FRMD4A: variants seen among roughly 807,000 people sequenced by gnomAD.
FRMD4A encodes the protein FERM domain-containing protein 4A.
Under a neutral mutation model 129.1 loss-of-function variants are expected in FRMD4A, and 29 were observed. The ratio of observed to expected loss-of-function variants is 0.22; its 90% CI spans 0.17 to 0.31. The LOEUF (loss-of-function observed/expected upper bound fraction) is 0.31, where lower values mean the gene tolerates loss of function less well. Ranked by LOEUF, FRMD4A falls within the 10% of genes least tolerant of loss-of-function variation. The pLI is 1.00. For missense variants in FRMD4A, 1,272 were observed against 1,375.8 expected (o/e 0.92, Z 1.19); for synonymous variants, 634 against 571.6 (o/e 1.11, Z -1.56).
chr10:13,850,772 A>G lies in FRMD4A; in HGVS notation c.111+8075T>C, dbSNP rs550501149. On this transcript the variant is annotated intron_variant, in intron 3 of 24. Transcript: ENST00000357447. ...CAGTGAAAAGAGAATGGGCTATACT[A>G]TCAGAGGACCTATGCTCGAGCTACC... Among the ~76,000 whole-genome samples, 142 of 152,320 alleles carry G rather than the reference A, an allele frequency of 9.3e-4. 1 individual carries two copies. The highest frequency in any genetic ancestry group is 1.7e-3 in the Non-Finnish European group (114 of 68,026).
At chr10:13,883,292 C>G (rs1049324276) in intron 2 of FRMD4A, among the ~76,000 whole-genome samples, 1 of 151,870 alleles carries the variant, frequency 6.6e-6, no homozygotes, top group Non-Finnish European at 1.5e-5. Context: ...GAGTTCAAGA[C>G]CAGCCTGGCC....
intron 3 of FRMD4A, among the ~76,000 whole-genome samples, chr10:13,843,528 C>T (rs577384079): frequency 3.3e-5 from 5 of 152,250 alleles, no homozygotes; most frequent in Admixed American, 2.0e-4. Flanking sequence ...GATATAGTCT[C>T]GCTCTGTCAC....
Position 13,954,504 on chromosome 10 carries a change from A to G in FRMD4A, c.46-95592T>C, listed in dbSNP as rs1262792088. On this transcript the variant is annotated intron_variant, in intron 2 of 24. Coordinates refer to ENST00000357447, the MANE Select transcript of FRMD4A (RefSeq NM_018027.5). ...AATAACCTCCCACCGGGTCTCTCTC[A>G]TGACACATGGGAATTGTGGGAGCTA... 2.0e-5 allele frequency among the ~76,000 whole-genome samples: 3 copies of G among 152,186 alleles called. No individual in the cohort carries two copies. The East Asian group carries it at 5.8e-4, about 29-fold the overall frequency.
At chr10:14,080,696 C>A (rs530411622) in intron 2 of FRMD4A, among the ~76,000 whole-genome samples, 1 of 151,832 alleles carries the variant, frequency 6.6e-6, no homozygotes, top group East Asian at 1.9e-4. Context: ...CTGAAGACTG[C>A]GAGGGAGGAT....
chr10:13,988,645 C>G (rs2095591185), intron 2 of FRMD4A, among the ~76,000 whole-genome samples: 1 of 151,938 alleles, frequency 6.6e-6, no homozygotes, highest in African/African-American at 2.4e-5. Context: ...TGGATAGATA[C>G]CGATGGATAG....
At chr10:14,185,467 A>C (rs930917017) in intron 2 of FRMD4A, among the ~76,000 whole-genome samples, 3 of 152,256 alleles carry the variant, frequency 2.0e-5, no homozygotes, top group Admixed American at 6.5e-5. Context: ...TTAGTACAAA[A>C]AACATTACAA....
At chr10:14,256,741 G>A (rs1589234414) in intron 2 of FRMD4A, among the ~76,000 whole-genome samples, 1 of 152,250 alleles carries the variant, frequency 6.6e-6, no homozygotes, top group East Asian at 1.9e-4. Context: ...CCAACACTTT[G>A]TGTGGCCAAG....
chr10:13,646,365 T>C lies in FRMD4A; in HGVS notation c.*673A>G, dbSNP rs2081116016. The C allele has an allele frequency of 6.6e-6, 1 of 152,614 alleles. No individual in the cohort carries two copies. 9.5% of individuals were successfully genotyped at this position (152,614 alleles called of 1,614,324 possible). On this transcript the variant is annotated 3_prime_UTR_variant, in exon 25 of 25. Coordinates refer to ENST00000357447, the MANE Select transcript of FRMD4A (RefSeq NM_018027.5). Reference sequence around the variant, plus strand: ...TTTGGCAGCATAGAACTGATTGTGGTCCTCCGATGCATTTCTGGTGTCGAG... The same window carrying C: ...TTTGGCAGCATAGAACTGATTGTGGCCCTCCGATGCATTTCTGGTGTCGAG...
At chr10:13,823,541 A>G (rs1433286823) in intron 3 of FRMD4A, among the ~76,000 whole-genome samples, 1 of 152,212 alleles carries the variant, frequency 6.6e-6, no homozygotes, top group Non-Finnish European at 1.5e-5. Flanking sequence ...ACATCTTGGG[A>G]TTCCAAGCTC....
intron 2 of FRMD4A, among the ~76,000 whole-genome samples, chr10:14,311,408 A>C (rs888790381): frequency 6.6e-6 from 1 of 152,218 alleles, no homozygotes; most frequent in Non-Finnish European, 1.5e-5. Context: ...TGAGTGTGAG[A>C]TCCCAGAACA....
chr10:13,658,132 TAAAAAA>T lies in FRMD4A; in HGVS notation c.2067-616_2067-611del, dbSNP rs565374030. On this transcript the variant is annotated intron_variant, in intron 21 of 24. Coordinates refer to ENST00000357447, the MANE Select transcript of FRMD4A (RefSeq NM_018027.5). ...CAACAGGGCAAGACCCTGTCTCTCT[TAAAAAA>T]AAAAAAAAAAAAAAAAAAAGAAAAC... is the stretch of plus-strand genomic sequence containing the variant. Among the ~76,000 whole-genome samples, 91 of 81,268 alleles carry T rather than the reference TAAAAAA, an allele frequency of 1.1e-3. 1 individual carries two copies. In the East Asian group the frequency reaches 0.015, roughly 14 times the overall value. The allele number at this position is 81,268 out of a possible 152,430, so 53.3% of individuals were successfully genotyped here.
intron 2 of FRMD4A, among the ~76,000 whole-genome samples, chr10:14,132,337 G>T (rs529292910): frequency 6.6e-6 from 1 of 152,202 alleles, no homozygotes; most frequent in African/African-American, 2.4e-5. Flanking sequence ...TCCAATCGTG[G>T]GAGCTCCCAG....
At chr10:13,740,416 A>G in intron 10 of FRMD4A, 96 bp downstream of exon 10, 2 of 902,086 alleles carry the variant, frequency 2.2e-6, no homozygotes. Context: ...CCCCACTCCC[A>G]GATATGTCTT....
intron 19 of FRMD4A, among the ~76,000 whole-genome samples, chr10:13,662,498 C>T (rs1255699048): frequency 1.3e-5 from 2 of 152,130 alleles, no homozygotes; most frequent in Admixed American, 1.3e-4. Flanking sequence ...TTAATGTACC[C>T]GCCTCCCAGT....
chr10:14,040,216 G>T (rs940203864), intron 2 of FRMD4A, among the ~76,000 whole-genome samples: 1 of 152,122 alleles, frequency 6.6e-6, no homozygotes, highest in Non-Finnish European at 1.5e-5. Context: ...GATAATCACT[G>T]CTACACTGGG....
chr10:13,709,568 C>T (rs985594917), intron 12 of FRMD4A, among the ~76,000 whole-genome samples: 1 of 152,262 alleles, frequency 6.6e-6, no homozygotes, highest in African/African-American at 2.4e-5. Flanking sequence ...GCTGCAAATC[C>T]TTAAATACAG....
chr10:13,983,714 T>C (rs76465742), intron 2 of FRMD4A, among the ~76,000 whole-genome samples: 3,234 of 151,964 alleles, frequency 0.021, 100 homozygotes, highest in African/African-American at 0.071. Flanking sequence ...CTTAATAAAC[T>C]GGGGGCCGGG....
chr10:13,971,107 C>A (rs886508607), intron 2 of FRMD4A, among the ~76,000 whole-genome samples: 1 of 152,172 alleles, frequency 6.6e-6, no homozygotes, highest in Non-Finnish European at 1.5e-5. Flanking sequence ...CACACACACA[C>A]GTGCACACAT....
At chr10:13,739,097 G>C (rs2090835957) in intron 11 of FRMD4A, among the ~76,000 whole-genome samples, 2 of 152,118 alleles carry the variant, frequency 1.3e-5, no homozygotes, top group African/African-American at 4.8e-5. Context: ...CCCCATAGTG[G>C]GTGTCTGGAA....
Sources: allele counts gnomAD v4.1 joint callset (sites outside exome capture counted in the v4.1 genomes callset), GRCh38; gene constraint gnomAD v4.1.1; transcripts MANE v1.5; gene names NCBI Gene and HGNC (gene_info 2026-07-23, HGNC 2026-07-21).